SPNS3: variants seen among roughly 807,000 people sequenced by gnomAD.
SPNS3 encodes protein spinster homolog 3.
A neutral mutation model predicts 54.4 loss-of-function variants in SPNS3; 51 were observed. The ratio of observed to expected loss-of-function variants is 0.94; its 90% CI spans 0.75 to 1.18. The LOEUF (loss-of-function observed/expected upper bound fraction) is 1.18, where lower values mean the gene tolerates loss of function less well. Ranked by LOEUF, SPNS3 falls within the 50% of genes most tolerant of loss-of-function variation. SPNS3 has a pLI of 0.00. For synonymous variants in SPNS3, 309 were observed against 294.7 expected (o/e 1.05, Z -0.50); for missense variants, 669 against 677.4 (o/e 0.99, Z 0.14).
intron 9 of SPNS3, chr17:4,482,268 G>A (rs927531961): frequency 1.3e-5 from 2 of 152,210 alleles, no homozygotes; most frequent in Non-Finnish European, 2.9e-5. Flanking sequence ...GGGCTCTCCG[G>A]TCCGGTGGCT....
At chr17:4,439,605 A>G in intron 1 of SPNS3, 53 bp from the exon 2 acceptor site, 1 of 1,566,438 alleles carries the variant, frequency 6.4e-7, no homozygotes, top group Non-Finnish European at 8.7e-7. Flanking sequence ...AGCTGCCTTT[A>G]GAGGCCAGGA....
chr17:4,450,879 A>G (rs987421487), intron 7 of SPNS3, among the ~76,000 whole-genome samples: 1 of 151,704 alleles, frequency 6.6e-6, no homozygotes, highest in Non-Finnish European at 1.5e-5. Flanking sequence ...AAGTGCTGGA[A>G]TTACAGGCGT....
At chr17:4,452,879 G>C in intron 7 of SPNS3, 137 bp from the exon 8 acceptor site, 2 of 787,456 alleles carry the variant, frequency 2.5e-6, no homozygotes, top group Non-Finnish European at 4.0e-6. Flanking sequence ...TCAGGTCAGG[G>C]GCCCACAGCC....
Position 4,483,722 on chromosome 17 carries a change from T to G in SPNS3, c.1180-2506T>G, listed in dbSNP as rs1187060265. ...TTGGTCAGTTCCTTCTCAGGCCTGT[T>G]GACAGATCCTGGTGATGGCAAGAGG... is the stretch of plus-strand genomic sequence containing the variant. On this transcript the variant is annotated intron_variant, in intron 9 of 11. Transcript: ENST00000355530. The surrounding 1 kb of genome is among the most constrained non-coding windows in gnomAD (Gnocchi z 4.2). 6.6e-6 allele frequency: 1 copy of G among 152,226 alleles called. No homozygotes were observed. The highest frequency in any genetic ancestry group is 1.5e-5 in the Non-Finnish European group (1 of 68,050). 9.4% of individuals were successfully genotyped at this position (152,226 alleles called of 1,614,324 possible).
At chr17:4,475,803 C>A (rs1597339177) in intron 8 of SPNS3, among the ~76,000 whole-genome samples, 1 of 152,186 alleles carries the variant, frequency 6.6e-6, no homozygotes, top group Non-Finnish European at 1.5e-5. Flanking sequence ...AAACCAGGGC[C>A]CTTTTTGTGT....
At chr17:4,445,212 C>T (rs1970952832) in intron 3 of SPNS3, 44 bp downstream of exon 3, 3 of 1,564,124 alleles carry the variant, frequency 1.9e-6, no homozygotes, top group Non-Finnish European at 2.6e-6. Flanking sequence ...GCCCCTTCCC[C>T]ACCTGCTTCC....
intron 2 of SPNS3, among the ~76,000 whole-genome samples, chr17:4,440,032 G>A (rs1251917579): frequency 1.3e-5 from 2 of 152,182 alleles, no homozygotes; most frequent in Non-Finnish European, 2.9e-5. Flanking sequence ...AGGCTCAGCG[G>A]TGCACCAGAG....
chr17:4,435,640 T>G (rs1970696517), intron 1 of SPNS3, among the ~76,000 whole-genome samples: 1 of 152,014 alleles, frequency 6.6e-6, no homozygotes, highest in African/African-American at 2.4e-5. Flanking sequence ...TAGCTCCTGC[T>G]GGCTGTGTTT....
At chr17:4,450,827 C>T (rs1056929429) in intron 7 of SPNS3, among the ~76,000 whole-genome samples, 8 of 147,480 alleles carry the variant, frequency 5.4e-5, no homozygotes, top group Non-Finnish European at 7.4e-5. Context: ...AGGCTGGTCT[C>T]GGACTCCTGA....
At chr17:4,473,062 T>A (rs189751528) in intron 8 of SPNS3, among the ~76,000 whole-genome samples, 143 of 152,208 alleles carry the variant, frequency 9.4e-4, no homozygotes, top group Non-Finnish European at 1.6e-3. Flanking sequence ...GTGTTGGGAT[T>A]ATAGGTGTGA....
At position 4,434,011 on chromosome 17, in the gene SPNS3, G is replaced by A; in HGVS notation, c.44G>A (p.Gly15Glu). 19 of 1,596,572 alleles carry A rather than the reference G, an allele frequency of 1.2e-5. No homozygotes were observed. The highest frequency in any genetic ancestry group is 1.6e-5 in the Non-Finnish European group (19 of 1,170,862). ...GCGGAGTGCCCTGAGCCTGGGCCAG[G>A]AGGTCTGCAGGGCCAGTCCCCAGGG... ...MSAECPEPGP[G>E]GLQGQSPGPG... Residue 15 changes from glycine (G) to glutamate (E), a missense_variant, in exon 1 of 12, where the codon GGA becomes GAA. By Grantham distance (98) the Gly-to-Glu change is moderately conservative. Coordinates refer to ENST00000355530, the MANE Select transcript of SPNS3 (RefSeq NM_182538.5).
At chr17:4,470,488 C>G (rs190317336) in intron 8 of SPNS3, among the ~76,000 whole-genome samples, 1 of 152,206 alleles carries the variant, frequency 6.6e-6, no homozygotes, top group East Asian at 1.9e-4. Flanking sequence ...GTATAATTCA[C>G]TGGTTTTTCG....
chr17:4,463,666 G>A (rs533198312), intron 8 of SPNS3, among the ~76,000 whole-genome samples: 1 of 150,396 alleles, frequency 6.6e-6, no homozygotes, highest in Admixed American at 6.6e-5. Context: ...TTGAACCCGG[G>A]AGGTGGAGGT....
rs557573097 is a variant in SPNS3 at position 4,482,079 on chromosome 17, G to A, written c.1179+3442G>A. The A allele has an allele frequency of 4.9e-3, 747 of 152,364 alleles. 6 individuals carry two copies. The highest frequency in any genetic ancestry group is 0.013 in the Middle Eastern group (4 of 302). 9.4% of individuals were successfully genotyped at this position (152,364 alleles called of 1,614,324 possible). ...AATTTTTGTATTTTTAGTAGAGACG[G>A]GGTTCACCATGTTGGCCAGGATGGT... On this transcript the variant is annotated intron_variant, in intron 9 of 11. Coordinates refer to ENST00000355530, the MANE Select transcript of SPNS3 (RefSeq NM_182538.5).
In SPNS3 at chr17:4,486,970, A is replaced by G. The variant is rs770026648; in HGVS notation, c.1450+387A>G. The stretch of plus-strand genomic sequence containing the variant: ...GGGCGGATTACAAGGTTAGGAGTTC[A>G]AGACCAGCCTGGGCAACATGGTGAA... On this transcript the variant is annotated intron_variant, in intron 11 of 11. Transcript: ENST00000355530. The surrounding 1 kb of genome is among the most constrained non-coding windows in gnomAD (Gnocchi z 5.5). Among the ~76,000 whole-genome samples the G allele has an allele frequency of 9.2e-5, 14 of 151,946 alleles. No homozygotes were observed. Among genetic ancestry groups the G allele is most frequent in the Non-Finnish European group, 1.8e-4 (12 of 67,968 alleles).
chr17:4,445,407 CT>C (rs1970958366), intron 3 of SPNS3, among the ~76,000 whole-genome samples: 1 of 150,296 alleles, frequency 6.7e-6, no homozygotes, highest in African/African-American at 2.5e-5. Flanking sequence ...CAGAATTTCG[CT>C]CTTGTTGCCC....
intron 3 of SPNS3, among the ~76,000 whole-genome samples, chr17:4,445,577 A>G (rs998903054): frequency 3.9e-5 from 6 of 152,038 alleles, no homozygotes; most frequent in Non-Finnish European, 8.8e-5. Context: ...GGGTTTCACC[A>G]TGTGGGCCAG....
chr17:4,463,941 G>A (rs910359454), intron 8 of SPNS3, among the ~76,000 whole-genome samples: 8 of 152,166 alleles, frequency 5.3e-5, no homozygotes, highest in Non-Finnish European at 8.8e-5. Flanking sequence ...ATAACTGCGT[G>A]GGACGTGCCT....
At chr17:4,462,791 A>AG (rs1971565915) in intron 8 of SPNS3, among the ~76,000 whole-genome samples, 1 of 146,364 alleles carries the variant, frequency 6.8e-6, no homozygotes, top group Non-Finnish European at 1.5e-5. Context: ...CCATCCATCC[A>AG]TCCATCCATC....
Sources: gnomAD v4.1 joint callset for allele counts (sites outside exome capture counted in the v4.1 genomes callset) on GRCh38, gnomAD v4.1.1 for gene constraint, Gnocchi (gnomAD v3.1) non-coding constraint, MANE v1.5 for transcripts, NCBI Gene and HGNC (gene_info 2026-07-23, HGNC 2026-07-21) for gene names.